Variants in IMMP2L observed in about 807,000 individuals in gnomAD.
The protein encoded by IMMP2L is inner mitochondrial membrane peptidase subunit 2.
IMMP2L carries 18 observed loss-of-function variants against 19.3 expected under a neutral mutation model. The ratio of observed to expected loss-of-function variants is 0.93; its 90% CI spans 0.64 to 1.38. IMMP2L has a LOEUF of 1.38. Ranked by LOEUF, IMMP2L falls within the 40% of genes most tolerant of loss-of-function variation. The pLI, the probability that IMMP2L is intolerant of heterozygous loss-of-function variation, is 0.00. For missense variants in IMMP2L, 233 were observed against 218.2 expected, an observed-to-expected ratio of 1.07 and a Z score of -0.43; for synonymous variants, 76 against 73.0, an observed-to-expected ratio of 1.04 and a Z score of -0.21.
At chr7:111,040,127 C>A (rs540693520) in intron 3 of IMMP2L, among the ~76,000 whole-genome samples, 1 of 152,284 alleles carries the variant, frequency 6.6e-6, no homozygotes, top group East Asian at 1.9e-4. Context: ...GGAGATTGCG[C>A]CACTGCACTG....
At chr7:111,160,793 T>C (rs981946379) in intron 3 of IMMP2L, among the ~76,000 whole-genome samples, 1 of 148,946 alleles carries the variant, frequency 6.7e-6, no homozygotes, top group South Asian at 2.1e-4. Flanking sequence ...TAAGATAAGA[T>C]TAAACAGGAA....
At chr7:111,508,170 A>C (rs1336022249) in intron 2 of IMMP2L, among the ~76,000 whole-genome samples, 2 of 152,170 alleles carry the variant, frequency 1.3e-5, no homozygotes, top group Admixed American at 6.5e-5. Context: ...AAGATAGTTT[A>C]TATTTTAAAA....
At chr7:110,932,608 C>A (rs1340564960) in intron 4 of IMMP2L, among the ~76,000 whole-genome samples, 1 of 152,156 alleles carries the variant, frequency 6.6e-6, no homozygotes, top group African/African-American at 2.4e-5. Context: ...CCCACCTCGG[C>A]CTCCCAAAGT....
chr7:111,253,087 A>G (rs1328834312), intron 3 of IMMP2L, among the ~76,000 whole-genome samples: 3 of 152,176 alleles, frequency 2.0e-5, no homozygotes. Context: ...GTGAGAAATG[A>G]AATATGGAAA....
chr7:110,981,146 A>G (rs1271426849), intron 3 of IMMP2L, among the ~76,000 whole-genome samples: 1 of 152,216 alleles, frequency 6.6e-6, no homozygotes, highest in Non-Finnish European at 1.5e-5. Flanking sequence ...CATATCTATA[A>G]CTTTCCATAC....
At position 111,104,015 on chromosome 7, in the gene IMMP2L, T is replaced by C. The variant is rs539352093; in HGVS notation, c.240-140450A>G. Reference sequence around the variant, plus strand: ...GGAACAAAATGGGAACACTGAAAAGTGGTACTCCTGTAATATGTGTGTGAA... The same window carrying C: ...GGAACAAAATGGGAACACTGAAAAGCGGTACTCCTGTAATATGTGTGTGAA... On this transcript the variant is annotated intron_variant, in intron 3 of 5. Coordinates refer to ENST00000405709, the MANE Select transcript of IMMP2L (RefSeq NM_032549.4). Among the ~76,000 whole-genome samples, 3 of 151,770 alleles carry C rather than the reference T, an allele frequency of 2.0e-5. No homozygotes were observed. In the South Asian group the frequency reaches 6.2e-4, roughly 31 times the overall value.
At chr7:111,278,581 C>A (rs1819360940) in intron 3 of IMMP2L, among the ~76,000 whole-genome samples, 1 of 152,158 alleles carries the variant, frequency 6.6e-6, no homozygotes, top group South Asian at 2.1e-4. Flanking sequence ...CAGTTGCACA[C>A]CCCAGTTGTG....
chr7:110,706,093 C>A (rs1421862337), intron 5 of IMMP2L, among the ~76,000 whole-genome samples: 4 of 152,006 alleles, frequency 2.6e-5, no homozygotes, highest in Admixed American at 2.6e-4. Flanking sequence ...AATAGGATTA[C>A]TGGGTCAAAT....
chr7:111,432,877 A>T (rs1836770957), intron 3 of IMMP2L, among the ~76,000 whole-genome samples: 1 of 151,510 alleles, frequency 6.6e-6, no homozygotes, highest in African/African-American at 2.4e-5. Context: ...AATATACAGA[A>T]ATCAGTAGCA....
chr7:111,200,090 G>C (rs1426417453), intron 3 of IMMP2L, among the ~76,000 whole-genome samples: 1 of 151,980 alleles, frequency 6.6e-6, no homozygotes, highest in Non-Finnish European at 1.5e-5. Flanking sequence ...AAGGTATAGA[G>C]TTATTTTTAT....
At chr7:111,360,705 A>T (rs1829179831) in intron 3 of IMMP2L, among the ~76,000 whole-genome samples, 1 of 151,968 alleles carries the variant, frequency 6.6e-6, no homozygotes, top group African/African-American at 2.4e-5. Flanking sequence ...ATAGTCCCAG[A>T]TACTTGGGAT....
At chr7:111,134,563 T>C (rs1802155966) in intron 3 of IMMP2L, among the ~76,000 whole-genome samples, 1 of 152,048 alleles carries the variant, frequency 6.6e-6, no homozygotes, top group Non-Finnish European at 1.5e-5. Flanking sequence ...TTTATAGTAT[T>C]AACTTATCTC....
intron 3 of IMMP2L, among the ~76,000 whole-genome samples, chr7:111,223,031 A>C (rs1812690240): frequency 1.3e-5 from 2 of 152,066 alleles, no homozygotes. Context: ...AATGATCTCA[A>C]AAGCAACATT....
chr7:111,082,880 C>T (rs1013815257), intron 3 of IMMP2L, among the ~76,000 whole-genome samples: 2 of 147,448 alleles, frequency 1.4e-5, no homozygotes, highest in African/African-American at 5.2e-5. Context: ...AAAAATGACA[C>T]GTGTTGCTCT....
At position 110,928,136 on chromosome 7, in the gene IMMP2L, A is replaced by G. The variant is rs979563557; in HGVS notation, c.305+35364T>C. Among the ~76,000 whole-genome samples, 7 of 152,152 alleles carry G rather than the reference A, an allele frequency of 4.6e-5. No individual in the cohort carries two copies. In the South Asian group the frequency reaches 1.2e-3, roughly 27 times the overall value. On this transcript the variant is annotated intron_variant, in intron 4 of 5. Transcript: ENST00000405709. ...AAAAAGAGTTTCTTCTCTTGCCTCT[A>G]TTAAAAACACAACAAACCCCTAAAA...
intron 3 of IMMP2L, among the ~76,000 whole-genome samples, chr7:111,447,663 C>A (rs1393738991): frequency 6.6e-6 from 1 of 151,742 alleles, no homozygotes; most frequent in Non-Finnish European, 1.5e-5. Flanking sequence ...GGAACGAAAT[C>A]ACCAGCTAAC....
At chr7:111,403,721 A>G (rs1267725582) in intron 3 of IMMP2L, among the ~76,000 whole-genome samples, 2 of 152,102 alleles carry the variant, frequency 1.3e-5, no homozygotes, top group East Asian at 1.9e-4. Context: ...ACAAAACCCA[A>G]TATTTTTTGG....
intron 2 of IMMP2L, among the ~76,000 whole-genome samples, chr7:111,491,976 T>C (rs561894759): frequency 2.0e-5 from 3 of 151,808 alleles, no homozygotes; most frequent in East Asian, 3.9e-4. Context: ...TGGTCTCTTT[T>C]ACTGGTGTTT....
At chr7:111,556,826 AAAT>A (rs1791423387) in intron 1 of IMMP2L, among the ~76,000 whole-genome samples, 2 of 152,100 alleles carry the variant, frequency 1.3e-5, no homozygotes, top group African/African-American at 4.8e-5. Flanking sequence ...AAGAACACAC[AAAT>A]CTGTTTCTCC....
Sources: gnomAD v4.1 joint callset for allele counts (sites outside exome capture counted in the v4.1 genomes callset) on GRCh38, gnomAD v4.1.1 for gene constraint, MANE v1.5 for transcripts, NCBI Gene and HGNC (gene_info 2026-07-23, HGNC 2026-07-21) for gene names.